ERCC2: variants seen among roughly 807,000 people sequenced by gnomAD.
ERCC2 encodes the protein general transcription and DNA repair factor IIH helicase subunit XPD.
In ERCC2, 90 loss-of-function variants were observed where a neutral mutation model predicts 99.4. That is an observed-to-expected ratio of 0.91 (90% CI 0.76 to 1.08). The LOEUF is 1.08. Ranked by LOEUF, ERCC2 falls within the 50% of genes least tolerant of loss-of-function variation. The pLI, the probability that ERCC2 is intolerant of heterozygous loss-of-function variation, is 0.00. For missense variants in ERCC2, 993 were observed against 1,038.1 expected (o/e 0.96, Z 0.60); for synonymous variants, 497 against 432.4 (o/e 1.15, Z -1.85).
chr19:45,361,377 C>A, intron 12 of ERCC2, 147 bp downstream of exon 12: 1 of 724,928 alleles, frequency 1.4e-6, no homozygotes, highest in South Asian at 1.4e-5. Context: ...CTATGTATGG[C>A]TCCCCACTGC....
Position 45,368,651 on chromosome 19 carries a change from T to C in ERCC2, c.339A>G (p.Lys113=), listed in dbSNP as rs1972506577. Residue 113 remains lysine (K), a synonymous_variant, in exon 5 of 23, where the codon AAA becomes AAG. Coordinates refer to ENST00000391945, the MANE Select transcript of ERCC2 (RefSeq NM_000400.4). Reference sequence around the variant, plus strand: ...TCACCTCAGGGTGAATACACAAGTTTTTGCGGGAGCTCAGAGCCAGTCCCA... The same window carrying C: ...TCACCTCAGGGTGAATACACAAGTTCTTGCGGGAGCTCAGAGCCAGTCCCA... ...PFLGLALSSR[K]NLCIHPEVTP... is the part of the protein sequence containing the mutation. The C allele has an allele frequency of 1.9e-6, 3 of 1,613,508 alleles. No homozygotes were observed. The highest frequency in any genetic ancestry group is 2.5e-6 in the Non-Finnish European group (3 of 1,179,538).
chr19:45,359,553 T>C (rs1972136800), intron 12 of ERCC2, among the ~76,000 whole-genome samples: 1 of 152,160 alleles, frequency 6.6e-6, no homozygotes, highest in African/African-American at 2.4e-5. Context: ...ATGATGTCCC[T>C]CTCTCGTAAC....
chr19:45,362,366 C>T (rs1281671024), intron 11 of ERCC2, among the ~76,000 whole-genome samples: 1 of 152,244 alleles, frequency 6.6e-6, no homozygotes, highest in East Asian at 1.9e-4. Flanking sequence ...TGGGGACACA[C>T]ACGGTGTCGG....
chr19:45,352,066 G>T, intron 22 of ERCC2, 143 bp downstream of exon 22: 2 of 989,262 alleles, frequency 2.0e-6, no homozygotes, highest in Non-Finnish European at 3.1e-6. Context: ...CCAGAGCCTG[G>T]CACGTAGATG....
chr19:45,355,903 CCT>C (rs1971997724), intron 15 of ERCC2, among the ~76,000 whole-genome samples, 175 bp from the exon 16 acceptor site: 1 of 151,990 alleles, frequency 6.6e-6, no homozygotes, highest in Admixed American at 6.6e-5. Flanking sequence ...GACCATCCCG[CCT>C]TGGCCTCCCA....
rs766369300 is a variant in ERCC2, at chr19:45,357,545, T to C, written c.1308-2A>G. On this transcript the variant is annotated splice_acceptor_variant, in intron 13 of 22. Transcript: ENST00000391945. LOFTEE classifies it high-confidence loss of function. ...ATGGCCAGCGAGGCGTCCATGCAGC[T>C]GGAGAGAGATGAGGGCAGTGAGGGC... The C allele has an allele frequency of 5.6e-6, 9 of 1,613,974 alleles. No individual in the cohort carries two copies. The highest frequency in any genetic ancestry group is 7.6e-6 in the Non-Finnish European group (9 of 1,180,010).
At position 45,370,170 on chromosome 19, in the gene ERCC2, G is replaced by T; in HGVS notation, c.68C>A (p.Ser23Tyr). The change falls in exon 2 of 23, where the codon TCC becomes TAC. Residue 23 changes from serine to tyrosine, a missense_variant. Physicochemically the swap from Ser to Tyr is moderately radical, Grantham distance 144 (BLOSUM62 -2). Transcript: ENST00000391945. The part of the protein sequence containing the change: ...PYDYIYPEQF[S>Y]YMRELKRTLD... ...CGTGCGTTTGAGCTCCCGCATGTAGGAGAACTGCTCGGGGTAGATGTAGTC... is the reference window on the plus strand; with the variant it reads ...CGTGCGTTTGAGCTCCCGCATGTAGTAGAACTGCTCGGGGTAGATGTAGTC... The T allele has an allele frequency of 6.2e-7, 1 of 1,613,436 alleles. No homozygotes were observed. The highest frequency in any genetic ancestry group is 1.1e-5 in the South Asian group (1 of 91,072).
At chr19:45,362,825 T>C (rs1972271666) in intron 11 of ERCC2, among the ~76,000 whole-genome samples, 1 of 152,202 alleles carries the variant, frequency 6.6e-6, no homozygotes, top group South Asian at 2.1e-4. Context: ...GCCAGGGCCT[T>C]TGGAGCCCAC....
rs762066937 is a variant in ERCC2 at position 45,350,556 on chromosome 19, G to A, written c.*1073C>T. 8 of 1,614,026 alleles carry A rather than the reference G, an allele frequency of 5.0e-6. No individual in the cohort carries two copies. Among genetic ancestry groups the A allele is most frequent in the South Asian group, 1.1e-5 (1 of 91,064 alleles). On this transcript the variant is annotated 3_prime_UTR_variant, in exon 23 of 23. Transcript: ENST00000391945. Reference sequence around the variant, plus strand: ...ACAGCTGGTGACGCAGAACAGGTGAGGATGGGCTGTGCTTCGGCTCCTGGG... The same window carrying A: ...ACAGCTGGTGACGCAGAACAGGTGAAGATGGGCTGTGCTTCGGCTCCTGGG...
At chr19:45,363,716 C>G (rs775388648) in intron 11 of ERCC2, 27 bp downstream of exon 11, 6 of 1,523,106 alleles carry the variant, frequency 3.9e-6, no homozygotes, top group Admixed American at 2.0e-5. Flanking sequence ...GCCGGGCCCC[C>G]ACCCCGCGCG....
chr19:45,357,352 A>G lies in ERCC2; in HGVS notation c.1397T>C (p.Ile466Thr), dbSNP rs762354840. 1 of 1,614,038 alleles carries G rather than the reference A, an allele frequency of 6.2e-7. No individual in the cohort carries two copies. The highest frequency in any genetic ancestry group is 1.1e-5 in the South Asian group (1 of 91,076). The change falls in exon 15 of 23, where the codon ATC (isoleucine) becomes ACC (threonine). Residue 466 changes from isoleucine to threonine, a missense_variant. By Grantham distance (89) the Ile-to-Thr change is moderately conservative. Transcript: ENST00000391945. Reference protein sequence around the residue: ...ITSGTLSPLDIYPKILDFHPV... With the variant: ...ITSGTLSPLDTYPKILDFHPV... ...GTGGAAGTCCAGGATCTTGGGGTAG[A>G]TGTCCAGCGGGGACAGTGTCTGTGG...
chr19:45,350,801 CACCCCA>C lies in ERCC2; in HGVS notation c.*822_*827del, dbSNP rs1971716214. The C allele has an allele frequency of 1.0e-5, 14 of 1,363,366 alleles. No homozygotes were observed. The highest frequency in any genetic ancestry group is 1.9e-4 in the Middle Eastern group (1 of 5,388). 84.5% of individuals were successfully genotyped at this position (1,363,366 alleles called of 1,614,324 possible). A position where few individuals can be genotyped will look rare whatever the true frequency, so the allele number is the denominator to read the frequency against. The stretch of plus-strand genomic sequence containing the variant: ...CCTGACATCAGCAGAATCCACAGCC[CACCCCA>C]CCCCCACCCCCATCTTGCTCAAGAA... On this transcript the variant is annotated 3_prime_UTR_variant, in exon 23 of 23. Coordinates refer to ENST00000391945, the MANE Select transcript of ERCC2 (RefSeq NM_000400.4).
chr19:45,367,335 AAAAAC>A lies in ERCC2; in HGVS notation c.360+1290_360+1294del, dbSNP rs556264072. Among the ~76,000 whole-genome samples, 640 of 147,596 alleles carry A rather than the reference AAAAAC, an allele frequency of 4.3e-3. 4 individuals are homozygous for A. Among genetic ancestry groups the A allele is most frequent in the Middle Eastern group, 6.8e-3 (2 of 292 alleles). On this transcript the variant is annotated intron_variant, in intron 5 of 22. Coordinates refer to ENST00000391945, the MANE Select transcript of ERCC2 (RefSeq NM_000400.4). ...GGGTGACAGAGTGAGACTCCGTCTCAAAAACAAAACAAAACAAAAATATATATATA... is the reference window on the plus strand; with the variant it reads ...GGGTGACAGAGTGAGACTCCGTCTCAAAAACAAAACAAAAATATATATATA...
At chr19:45,363,687 C>A in intron 11 of ERCC2, 56 bp downstream of exon 11, 2 of 1,503,104 alleles carry the variant, frequency 1.3e-6, no homozygotes, top group Non-Finnish European at 8.9e-7. Context: ...GAGGACACGG[C>A]TCTGCATAAC....
Position 45,351,235 on chromosome 19 carries a change from T to TA in ERCC2, c.*393dup, listed in dbSNP as rs781714078. 5 of 1,587,574 alleles carry TA rather than the reference T, an allele frequency of 3.1e-6. No homozygotes were observed. The highest frequency in any genetic ancestry group is 4.3e-6 in the Non-Finnish European group (5 of 1,166,456). On this transcript the variant is annotated 3_prime_UTR_variant, in exon 23 of 23. Transcript: ENST00000391945. ...TGGACCTGGAGCTGGAGGGTGGATG[T>TA]AACACTTGCCCCTCACCTCCCCTCC... is the stretch of plus-strand genomic sequence containing the variant.
At chr19:45,352,093 T>G in intron 22 of ERCC2, 116 bp downstream of exon 22, 1 of 1,230,550 alleles carries the variant, frequency 8.1e-7, no homozygotes, top group Non-Finnish European at 1.2e-6. Flanking sequence ...AAACTTCTCT[T>G]TGCTGAGGGC....
chr19:45,357,486 G>T lies in ERCC2; in HGVS notation c.1365C>A (p.Ile455=). 1 of 1,614,132 alleles carries T rather than the reference G, an allele frequency of 6.2e-7. No homozygotes were observed. The highest frequency in any genetic ancestry group is 8.5e-7 in the Non-Finnish European group (1 of 1,179,958). The part of the protein sequence containing the change: ...KPVFERFQSV[I]ITSGTLSPLD... ...GAAGGGTCCTTACCCCAGATGTGAT[G>T]ATGACAGACTGGAAACGCTCAAATA... The change falls in exon 14 of 23, where the codon ATC becomes ATA. Residue 455 remains isoleucine (I), a synonymous_variant. Transcript: ENST00000391945.
chr19:45,369,393 G>T (rs960860484), intron 2 of ERCC2, among the ~76,000 whole-genome samples: 1 of 151,952 alleles, frequency 6.6e-6, no homozygotes, highest in African/African-American at 2.4e-5. Flanking sequence ...AAAGCCAGGC[G>T]TGGTGGCTCA....
chr19:45,365,359 G>A (rs890536172), intron 5 of ERCC2, among the ~76,000 whole-genome samples: 9 of 152,226 alleles, frequency 5.9e-5, no homozygotes, highest in Admixed American at 6.5e-5. Flanking sequence ...GCTCACGCCT[G>A]TAATCCCAGC....
Sources: allele counts gnomAD v4.1 joint callset (sites outside exome capture counted in the v4.1 genomes callset), GRCh38; gene constraint gnomAD v4.1.1; transcripts MANE v1.5; gene names NCBI Gene and HGNC (gene_info 2026-07-23, HGNC 2026-07-21).